The following WASF3 variants were observed in gnomAD, a reference collection of about 807,000 sequenced individuals.
WASF3 encodes the protein actin-binding protein WASF3.
Under a neutral mutation model 46.6 loss-of-function variants are expected in WASF3, and 11 were observed. The ratio of observed to expected loss-of-function variants is 0.24; its 90% confidence interval spans 0.15 to 0.39. The LOEUF (loss-of-function observed/expected upper bound fraction) is 0.39. WASF3 is among the 10% of genes least tolerant of loss of function. The pLI, the probability that WASF3 is intolerant of heterozygous loss-of-function variation, is 1.00. For missense variants in WASF3, 576 were observed against 669.8 expected (o/e 0.86, Z 1.55); for synonymous variants, 242 against 259.7 (o/e 0.93, Z 0.65).
intron 1 of WASF3, among the ~76,000 whole-genome samples, chr13:26,583,857 T>C (rs1044556865): frequency 6.6e-6 from 1 of 152,202 alleles, no homozygotes; most frequent in African/African-American, 2.4e-5. Flanking sequence ...GAGTCAGAAG[T>C]GTGGTTGCCA....
chr13:26,605,586 G>A (rs2062399663), intron 1 of WASF3, among the ~76,000 whole-genome samples: 1 of 152,026 alleles, frequency 6.6e-6, no homozygotes, highest in African/African-American at 2.4e-5. Context: ...GCCAAGTGCT[G>A]GAATTAAAAA....
chr13:26,593,304 C>T (rs1385312883), intron 1 of WASF3, among the ~76,000 whole-genome samples: 1 of 152,162 alleles, frequency 6.6e-6, no homozygotes, highest in Non-Finnish European at 1.5e-5. Context: ...TTGCCGGTGC[C>T]TCCTGAGTTT....
upstream of WASF3, among the ~76,000 whole-genome samples, chr13:26,555,110 T>C (rs1879068995): frequency 6.6e-6 from 1 of 152,226 alleles, no homozygotes; most frequent in South Asian, 2.1e-4. Context: ...AGTAGGTATG[T>C]CATAGTATTT....
chr13:26,554,040 T>TCC (rs1452665807), upstream of WASF3, among the ~76,000 whole-genome samples: 141 of 35,476 alleles, frequency 4.0e-3, 5 homozygotes, highest in Admixed American at 7.5e-3. Flanking sequence ...TTTCTCTTTC[T>TCC]TTCCTTCCTT....
Position 26,608,620 on chromosome 13 carries a change from T to C in WASF3, c.-108-4341T>C, listed in dbSNP as rs533136519. 8.7e-4 allele frequency among the ~76,000 whole-genome samples: 133 copies of C among 152,306 alleles called. 1 individual carries two copies. Among genetic ancestry groups the C allele is most frequent in the African/African-American group, 3.1e-3 (129 of 41,568 alleles). ...TATAAGAGGTCAATTATGTGTTGAA[T>C]TGTATGGTGGGGCCAGCTAAAATGT... is the stretch of plus-strand genomic sequence containing the variant. On this transcript the variant is annotated intron_variant, in intron 1 of 9. Transcript: ENST00000335327.
chr13:26,661,068 C>T (rs918975841), intron 3 of WASF3, among the ~76,000 whole-genome samples: 2 of 152,208 alleles, frequency 1.3e-5, no homozygotes, highest in Admixed American at 6.5e-5. Context: ...AGTCTATTCA[C>T]GAGGGATCCA....
upstream of WASF3, among the ~76,000 whole-genome samples, chr13:26,553,843 CAG>C (rs559750375): frequency 6.6e-6 from 1 of 151,160 alleles, no homozygotes; most frequent in Non-Finnish European, 1.5e-5. Context: ...TATGGAGAGA[CAG>C]AGAGAGAGAC....
chr13:26,575,232 T>C (rs1037451410), intron 1 of WASF3, among the ~76,000 whole-genome samples: 2 of 152,220 alleles, frequency 1.3e-5, no homozygotes, highest in African/African-American at 2.4e-5. Context: ...CAATCACCTA[T>C]GATTGTATGG....
chr13:26,658,445 C>T (rs1281594417), intron 3 of WASF3, among the ~76,000 whole-genome samples: 1 of 152,162 alleles, frequency 6.6e-6, no homozygotes, highest in East Asian at 1.9e-4. Context: ...TGTTATTAGG[C>T]GTTTCCAGGC....
chr13:26,602,818 C>T (rs1026165649), intron 1 of WASF3, among the ~76,000 whole-genome samples: 3 of 151,952 alleles, frequency 2.0e-5, no homozygotes, highest in African/African-American at 7.3e-5. Flanking sequence ...TTACATCTTG[C>T]TATTTCTATT....
At chr13:26,554,279 G>A (rs755718976), upstream of WASF3, among the ~76,000 whole-genome samples, 1 of 151,798 alleles carries the variant, frequency 6.6e-6, no homozygotes, top group Non-Finnish European at 1.5e-5. Context: ...ACAGGCATAT[G>A]CCACCACTCT....
intron 1 of WASF3, among the ~76,000 whole-genome samples, chr13:26,605,331 A>G (rs1416785523): frequency 6.6e-6 from 1 of 152,174 alleles, no homozygotes; most frequent in Non-Finnish European, 1.5e-5. Flanking sequence ...GCCCGTTACA[A>G]AGAAGCTCAT....
Position 26,682,795 on chromosome 13 carries a change from T to C in WASF3, c.1172T>C (p.Leu391Pro). The change falls in exon 9 of 10, where the codon CTG becomes CCG. Residue 391 changes from leucine (L) to proline (P), a missense_variant. By Grantham distance (98) the Leu-to-Pro change is moderately conservative. Around this residue, in one of 3 missense-constraint regions of WASF3, gnomAD observed 295 missense variants for 291.5 expected, o/e 1.01. Transcript: ENST00000335327. The surrounding 1 kb of genome is among the most constrained non-coding windows in gnomAD (Gnocchi z 4.4). ...CCTCACCCACCCTCCACCGGGCTCC[T>C]GGTCACAGCCCCGCCACCCCCGGGC... ...APPHPPSTGL[L>P]VTAPPPPGPP... 1 of 1,611,320 alleles carries C rather than the reference T, an allele frequency of 6.2e-7. No individual in the cohort carries two copies. Among genetic ancestry groups the C allele is most frequent in the Non-Finnish European group, 8.5e-7 (1 of 1,179,930 alleles).
chr13:26,560,146 G>A (rs182064428), intron 1 of WASF3, among the ~76,000 whole-genome samples: 2 of 151,920 alleles, frequency 1.3e-5, no homozygotes, highest in Admixed American at 1.3e-4. Context: ...TTCTCAGTCC[G>A]TTTTAAGGGC....
chr13:26,587,532 C>G (rs1880167436), intron 1 of WASF3, among the ~76,000 whole-genome samples: 1 of 152,154 alleles, frequency 6.6e-6, no homozygotes, highest in South Asian at 2.1e-4. Flanking sequence ...AAGTATGTAG[C>G]ATGATTGTAT....
At chr13:26,680,182 G>A in intron 7 of WASF3, 1 of 1,587,682 alleles carries the variant, frequency 6.3e-7, no homozygotes, top group South Asian at 1.1e-5. Flanking sequence ...GAGCGCCAAA[G>A]AGGACAGAGT....
At chr13:26,561,158 T>A (rs1310481535) in intron 1 of WASF3, among the ~76,000 whole-genome samples, 2 of 152,146 alleles carry the variant, frequency 1.3e-5, no homozygotes, top group Non-Finnish European at 2.9e-5. Flanking sequence ...TTGTGATTAC[T>A]GTTGTGTGGA....
intron 3 of WASF3, among the ~76,000 whole-genome samples, chr13:26,659,461 G>C (rs1882561244): frequency 6.6e-6 from 1 of 152,072 alleles, no homozygotes; most frequent in Non-Finnish European, 1.5e-5. Context: ...TATTCTGAGT[G>C]AATTGGCAAG....
At chr13:26,587,412 G>C (rs979037886) in intron 1 of WASF3, among the ~76,000 whole-genome samples, 10 of 152,026 alleles carry the variant, frequency 6.6e-5, no homozygotes, top group African/African-American at 2.4e-4. Context: ...CTCTTGGCAA[G>C]ATCATTTGTC....
Sources: allele counts gnomAD v4.1 joint callset (sites outside exome capture counted in the v4.1 genomes callset), GRCh38; gene constraint gnomAD v4.1.1; regional missense constraint gnomAD v4.1.1; non-coding constraint Gnocchi (gnomAD v3.1); transcripts MANE v1.5; gene names NCBI Gene and HGNC (gene_info 2026-07-23, HGNC 2026-07-21).